The following HSDL1 variants were observed in gnomAD, a reference collection of about 807,000 sequenced individuals.
The protein encoded by HSDL1 is inactive hydroxysteroid dehydrogenase-like protein 1.
Under a neutral mutation model 31.5 loss-of-function variants are expected in HSDL1, and 29 were observed. The observed-to-expected ratio is 0.92, with a 90% CI of 0.69 to 1.26. HSDL1 has a LOEUF of 1.26. HSDL1 is among the 50% of genes most tolerant of loss of function. The pLI is 0.00. For missense variants in HSDL1, 503 were observed against 416.6 expected (o/e 1.21, Z -1.81); for synonymous variants, 222 against 155.2 (o/e 1.43, Z -3.20).
At chr16:84,142,122 T>G (rs541435289) in intron 1 of HSDL1, among the ~76,000 whole-genome samples, 49 of 152,236 alleles carry the variant, frequency 3.2e-4, no homozygotes, top group African/African-American at 1.1e-3. Context: ...GAGATGAGGT[T>G]TCACCATGTT....
chr16:84,142,387 C>A (rs1326129297), intron 1 of HSDL1, among the ~76,000 whole-genome samples: 1 of 150,196 alleles, frequency 6.7e-6, no homozygotes, highest in Non-Finnish European at 1.5e-5. Flanking sequence ...GTCTTTAATC[C>A]TCCTGGCGTT....
At chr16:84,140,368 G>A (rs1007510715) in intron 1 of HSDL1, among the ~76,000 whole-genome samples, 1 of 152,060 alleles carries the variant, frequency 6.6e-6, no homozygotes, top group Non-Finnish European at 1.5e-5. Context: ...GGGTTCAAGC[G>A]TTTCTCCTGC....
chr16:84,142,430 C>CTTTTTTTTTTTTTTT (rs34954052), intron 1 of HSDL1, among the ~76,000 whole-genome samples: 1 of 81,410 alleles, frequency 1.2e-5, no homozygotes, highest in Non-Finnish European at 2.1e-5. Flanking sequence ...TCTCACACAT[C>CTTTTTTTTTTTTTTT]TTTTTTTTTT....
intron 5 of HSDL1, among the ~76,000 whole-genome samples, chr16:84,129,040 T>G (rs940273686): frequency 6.6e-6 from 1 of 152,142 alleles, no homozygotes; most frequent in African/African-American, 2.4e-5. Context: ...AGGTGCCACA[T>G]AGATTGAACT....
chr16:84,144,621 G>T (rs755382501), intron 1 of HSDL1, among the ~76,000 whole-genome samples: 46 of 152,286 alleles, frequency 3.0e-4, no homozygotes, highest in Non-Finnish European at 5.7e-4. Context: ...TCAGAAATGA[G>T]AATAAAGAAG....
intron 1 of HSDL1, among the ~76,000 whole-genome samples, chr16:84,143,372 T>C (rs2086788088): frequency 6.6e-6 from 1 of 152,238 alleles, no homozygotes; most frequent in Non-Finnish European, 1.5e-5. Context: ...GTTGTATGTT[T>C]CCACTTGTAT....
intron 1 of HSDL1, among the ~76,000 whole-genome samples, chr16:84,138,478 A>C (rs1207804807): frequency 6.7e-6 from 1 of 149,874 alleles, no homozygotes; most frequent in Non-Finnish European, 1.5e-5. Flanking sequence ...TCTCACCATA[A>C]AGAAATAAAA....
At chr16:84,128,150 G>T (rs11641676) in intron 5 of HSDL1, among the ~76,000 whole-genome samples, 1 of 151,442 alleles carries the variant, frequency 6.6e-6, no homozygotes, top group Non-Finnish European at 1.5e-5. Context: ...TTTGCTGGGC[G>T]TGGTGGCAGG....
chr16:84,139,894 A>G (rs7194332), intron 1 of HSDL1, among the ~76,000 whole-genome samples: 279 of 152,212 alleles, frequency 1.8e-3, no homozygotes, highest in African/African-American at 6.3e-3. Context: ...TGATGAAAAC[A>G]TTTTTCCAAA....
At chr16:84,128,289 CAA>C (rs201158980) in intron 5 of HSDL1, among the ~76,000 whole-genome samples, 2 of 138,180 alleles carry the variant, frequency 1.4e-5, no homozygotes, top group Admixed American at 7.2e-5. Flanking sequence ...AATTCCATCT[CAA>C]AAAAAAAAAA....
intron 2 of HSDL1, among the ~76,000 whole-genome samples, chr16:84,131,681 A>ATT (rs5818484): frequency 6.3e-5 from 8 of 127,994 alleles, no homozygotes; most frequent in African/African-American, 1.7e-4. Flanking sequence ...CGCCCGGCTA[A>ATT]TTTTTTTTTT....
chr16:84,123,604 C>G lies in HSDL1; in HGVS notation c.*1026G>C, dbSNP rs1436818744. On this transcript the variant is annotated 3_prime_UTR_variant, in exon 6 of 6. Transcript: ENST00000219439. The stretch of plus-strand genomic sequence containing the variant: ...CTAACTTATATTGACAGATATGTCA[C>G]ACACGTAATTTGTCCATATTTTACT... 1 of 152,600 alleles carries G rather than the reference C, an allele frequency of 6.6e-6. No individual in the cohort carries two copies. Among genetic ancestry groups the G allele is most frequent in the East Asian group, 1.9e-4 (1 of 5,204 alleles). 9.5% of individuals were successfully genotyped at this position (152,600 alleles called of 1,614,324 possible).
chr16:84,123,131 A>C lies in HSDL1; in HGVS notation c.*1499T>G, dbSNP rs2086571036. The C allele has an allele frequency of 6.6e-6, 1 of 152,140 alleles. No homozygotes were observed. The highest frequency in any genetic ancestry group is 2.4e-5 in the African/African-American group (1 of 41,422). The allele number at this position is 152,140 out of a possible 1,614,324, so 9.4% of individuals were successfully genotyped here. A position where few individuals can be genotyped will look rare whatever the true frequency, so the allele number is the denominator to read the frequency against. On this transcript the variant is annotated 3_prime_UTR_variant, in exon 6 of 6. Transcript: ENST00000219439. ...ATTTTCACATCTAAGTTCTGAAGAC[A>C]TGATCTAAGCGTGGAAGAGCTTCTG...
At chr16:84,132,564 G>C (rs1267308221) in intron 2 of HSDL1, among the ~76,000 whole-genome samples, 1 of 152,182 alleles carries the variant, frequency 6.6e-6, no homozygotes, top group Non-Finnish European at 1.5e-5. Flanking sequence ...TATATACTAA[G>C]CACCTACTAT....
chr16:84,127,231 T>G (rs980063418), intron 5 of HSDL1, among the ~76,000 whole-genome samples: 2 of 141,356 alleles, frequency 1.4e-5, no homozygotes, highest in African/African-American at 5.4e-5. Flanking sequence ...TTTTTTTTTT[T>G]TTTGAGATAA....
At chr16:84,127,815 T>C (rs886142189) in intron 5 of HSDL1, among the ~76,000 whole-genome samples, 1 of 146,256 alleles carries the variant, frequency 6.8e-6, no homozygotes, top group South Asian at 2.3e-4. Flanking sequence ...GCCTCCCGGG[T>C]TCACGCCATT....
intron 1 of HSDL1, among the ~76,000 whole-genome samples, chr16:84,140,856 C>A (rs546630825): frequency 6.6e-6 from 1 of 152,134 alleles, no homozygotes; most frequent in Non-Finnish European, 1.5e-5. Flanking sequence ...GTAATCCCAG[C>A]ACTTTGGGAG....
At position 84,124,692 on chromosome 16, in the gene HSDL1, C is replaced by T. The variant is rs1402418893; in HGVS notation, c.931G>A (p.Val311Met). Residue 311 changes from valine to methionine, a missense_variant, in exon 6 of 6, where the codon GTG becomes ATG. Val to Met is a conservative substitution (Grantham distance 21). Transcript: ENST00000219439. ...CGGTTGAGAATATTTGCTCCCCACACCCAGAGCCATTCAGGCATATACTGT... is the reference window on the plus strand; with the variant it reads ...CGGTTGAGAATATTTGCTCCCCACATCCAGAGCCATTCAGGCATATACTGT... ...FAQYMPEWLW[V>M]WGANILNRSL... 6.2e-7 allele frequency: 1 copy of T among 1,613,774 alleles called. No homozygotes were observed. The highest frequency in any genetic ancestry group is 8.5e-7 in the Non-Finnish European group (1 of 1,179,710).
Position 84,130,389 on chromosome 16 carries a change from G to A in HSDL1, c.263C>T (p.Ala88Val), listed in dbSNP as rs150265492. Residue 88 changes from alanine (A) to valine (V), a missense_variant, in exon 4 of 6, where the codon GCA becomes GTA. Physicochemically the swap from Ala to Val is moderately conservative, Grantham distance 64. Transcript: ENST00000219439. ...CAGGATTATATTGAGACCTCGGCTT[G>A]CTAACTCTTCAGCGTAGGCTTTTCC... ...GIGKAYAEEL[A>V]SRGLNIILIS... The A allele has an allele frequency of 1.2e-6, 2 of 1,613,550 alleles. No individual in the cohort carries two copies. Among genetic ancestry groups the A allele is most frequent in the Non-Finnish European group, 1.7e-6 (2 of 1,179,936 alleles).
Sources: allele counts gnomAD v4.1 joint callset (sites outside exome capture counted in the v4.1 genomes callset), GRCh38; gene constraint gnomAD v4.1.1; transcripts MANE v1.5; gene names NCBI Gene and HGNC (gene_info 2026-07-23, HGNC 2026-07-21).